NCOA7: variants seen among roughly 807,000 people sequenced by gnomAD.
NCOA7 encodes the protein 140 kDa estrogen receptor-associated protein.
A neutral mutation model predicts 104.3 loss-of-function variants in NCOA7; 45 were observed. That is an observed-to-expected ratio of 0.43 (90% CI 0.34 to 0.55). The LOEUF is 0.55. Ranked by LOEUF, NCOA7 falls within the 20% of genes least tolerant of loss-of-function variation. NCOA7 has a pLI of 0.02. For synonymous variants in NCOA7, 398 were observed against 402.3 expected, an observed-to-expected ratio of 0.99 and a Z score of 0.13; for missense variants, 1,041 against 1,119.7, an observed-to-expected ratio of 0.93 and a Z score of 1.00.
intron 1 of NCOA7, among the ~76,000 whole-genome samples, chr6:125,792,203 C>A (rs959473718): frequency 2.6e-5 from 4 of 152,036 alleles, no homozygotes; most frequent in Non-Finnish European, 5.9e-5. Flanking sequence ...GTTCTGTAGC[C>A]GGTGAAATTT....
chr6:125,792,077 TA>T (rs1175214821), intron 1 of NCOA7, among the ~76,000 whole-genome samples: 12 of 152,236 alleles, frequency 7.9e-5, no homozygotes, highest in South Asian at 6.2e-4. Flanking sequence ...TGTTTTTTTT[TA>T]AATCCTGTAA....
At chr6:125,874,722 C>T (rs183802790) in intron 3 of NCOA7, among the ~76,000 whole-genome samples, 167 bp from the exon 4 acceptor site, 84 of 152,094 alleles carry the variant, frequency 5.5e-4, no homozygotes, top group Admixed American at 7.9e-4. Flanking sequence ...TTATTCAGGA[C>T]GAATAGTGTG....
intron 1 of NCOA7, among the ~76,000 whole-genome samples, chr6:125,810,764 C>A (rs976315066): frequency 1.3e-5 from 2 of 152,136 alleles, no homozygotes; most frequent in Admixed American, 6.5e-5. Flanking sequence ...TGTGTCTAAA[C>A]CTGTAAGAAC....
intron 1 of NCOA7, among the ~76,000 whole-genome samples, chr6:125,797,351 C>G (rs1261240128): frequency 6.6e-6 from 1 of 152,126 alleles, no homozygotes; most frequent in African/African-American, 2.4e-5. Context: ...AAGTACCTGG[C>G]ATGAGGTAAT....
chr6:125,786,581 T>TC (rs1161968173), upstream of NCOA7, among the ~76,000 whole-genome samples: 1 of 150,292 alleles, frequency 6.7e-6, no homozygotes, highest in East Asian at 1.9e-4. Context: ...GTCTTTTTTT[T>TC]TTTTTTTTTT....
chr6:125,896,591 A>G (rs1785041793), intron 10 of NCOA7, among the ~76,000 whole-genome samples: 1 of 152,164 alleles, frequency 6.6e-6, no homozygotes, highest in South Asian at 2.1e-4. Context: ...CAGCAGTTCA[A>G]GACAAGCCTG....
At chr6:125,814,113 A>G (rs1777344369) in intron 1 of NCOA7, among the ~76,000 whole-genome samples, 1 of 152,174 alleles carries the variant, frequency 6.6e-6, no homozygotes, top group Non-Finnish European at 1.5e-5. Flanking sequence ...ATGAATTAGT[A>G]AATAATTTTG....
intron 10 of NCOA7, among the ~76,000 whole-genome samples, chr6:125,892,991 A>G (rs896000617): frequency 6.6e-5 from 10 of 152,200 alleles, no homozygotes; most frequent in Non-Finnish European, 1.5e-4. Flanking sequence ...AAGCAGTCCC[A>G]TGGTTAATTC....
At chr6:125,894,714 G>A (rs1562152989) in intron 10 of NCOA7, among the ~76,000 whole-genome samples, 1 of 151,662 alleles carries the variant, frequency 6.6e-6, no homozygotes, top group Non-Finnish European at 1.5e-5. Flanking sequence ...GATTTGGACT[G>A]TATTAACCGA....
At chr6:125,867,761 T>G (rs935301636) in intron 3 of NCOA7, among the ~76,000 whole-genome samples, 1 of 152,204 alleles carries the variant, frequency 6.6e-6, no homozygotes, top group African/African-American at 2.4e-5. Flanking sequence ...CCAGAAACCT[T>G]AAACACTGTG....
chr6:125,839,557 A>ACCTC (rs1447761230), intron 2 of NCOA7, among the ~76,000 whole-genome samples: 1 of 151,722 alleles, frequency 6.6e-6, no homozygotes, highest in Non-Finnish European at 1.5e-5. Flanking sequence ...CTCTCGAGGC[A>ACCTC]CCTCCCTCCC....
chr6:125,847,264 A>G (rs1274169642), intron 2 of NCOA7, among the ~76,000 whole-genome samples: 1 of 152,188 alleles, frequency 6.6e-6, no homozygotes, highest in Non-Finnish European at 1.5e-5. Context: ...CTCTAGATCA[A>G]TATTGTCTAG....
chr6:125,788,364 C>T (rs533784451), upstream of NCOA7, among the ~76,000 whole-genome samples: 18 of 152,258 alleles, frequency 1.2e-4, no homozygotes, highest in Admixed American at 6.5e-4. Context: ...TGGAAAGGAA[C>T]AAGTGAAGAA....
At chr6:125,927,560 C>A in intron 13 of NCOA7, 103 bp from the exon 14 acceptor site, 1 of 841,366 alleles carries the variant, frequency 1.2e-6, no homozygotes, top group Non-Finnish European at 2.0e-6. Context: ...ATAATCTTTG[C>A]TGAAATAGAT....
intron 15 of NCOA7, 102 bp from the exon 16 acceptor site, chr6:125,928,534 C>G (rs79292755): frequency 7.5e-7 from 1 of 1,332,080 alleles, no homozygotes; most frequent in South Asian, 1.5e-5. Context: ...TAGAATTTTG[C>G]CTGTCAGTAG....
Position 125,857,440 on chromosome 6 carries a change from T to A in NCOA7, c.271+2200T>A, listed in dbSNP as rs563117820. 7.9e-5 allele frequency among the ~76,000 whole-genome samples: 9 copies of A among 113,314 alleles called. No homozygotes were observed. In the East Asian group the frequency reaches 9.9e-4, roughly 12 times the overall value. The allele number at this position is 113,314 out of a possible 152,430, so 74.3% of individuals were successfully genotyped here. A position where few individuals can be genotyped will look rare whatever the true frequency, so the allele number is the denominator to read the frequency against. Reference sequence around the variant, plus strand: ...ATACACACACACACATATATATATATATTTTTTTTTTTAAGAGAGAAAGAT... The same window carrying A: ...ATACACACACACACATATATATATAAATTTTTTTTTTTAAGAGAGAAAGAT... On this transcript the variant is annotated intron_variant, in intron 3 of 15. Transcript: ENST00000392477.
At chr6:125,870,009 C>G (rs1436861617) in intron 3 of NCOA7, among the ~76,000 whole-genome samples, 1 of 152,222 alleles carries the variant, frequency 6.6e-6, no homozygotes, top group Non-Finnish European at 1.5e-5. Context: ...ATTCCAACAT[C>G]TCACTACCTG....
intron 3 of NCOA7, among the ~76,000 whole-genome samples, chr6:125,868,369 C>A (rs1031487721): frequency 1.3e-5 from 2 of 152,194 alleles, no homozygotes; most frequent in African/African-American, 2.4e-5. Context: ...TTATAAATAA[C>A]AATAGCATTT....
At chr6:125,878,068 G>T (rs543311470) in intron 4 of NCOA7, among the ~76,000 whole-genome samples, 195 bp from the exon 5 acceptor site, 1 of 152,268 alleles carries the variant, frequency 6.6e-6, no homozygotes, top group East Asian at 1.9e-4. Context: ...AGGAAGCCCA[G>T]AAATGAATTG....
Sources: gnomAD v4.1 joint callset for allele counts (sites outside exome capture counted in the v4.1 genomes callset) on GRCh38, gnomAD v4.1.1 for gene constraint, MANE v1.5 for transcripts, NCBI Gene and HGNC (gene_info 2026-07-23, HGNC 2026-07-21) for gene names.